Variants in CHD6 observed in about 807,000 individuals in gnomAD.
The protein encoded by CHD6 is chromodomain helicase DNA binding protein 6.
A neutral mutation model predicts 276.9 loss-of-function variants in CHD6; 50 were observed. That is an observed-to-expected ratio of 0.18 (90% CI 0.14 to 0.23). The LOEUF (loss-of-function observed/expected upper bound fraction) is 0.23, where lower values mean the gene tolerates loss of function less well. CHD6 is among the 10% of genes least tolerant of loss of function. The pLI, the probability that CHD6 is intolerant of heterozygous loss-of-function variation, is 1.00. For synonymous variants in CHD6, 1,173 were observed against 1,229.3 expected (o/e 0.95, Z 0.96); for missense variants, 2,564 against 3,365.8 (o/e 0.76, Z 5.89).
intron 1 of CHD6, among the ~76,000 whole-genome samples, chr20:41,554,600 G>A (rs1448317460): frequency 6.6e-6 from 1 of 151,208 alleles, no homozygotes; most frequent in East Asian, 1.9e-4. Context: ...CTCTTAACGA[G>A]CATGCTGCCT....
chr20:41,421,859 C>T lies in CHD6; in HGVS notation c.4776G>A (p.Gly1592=). ...TGATGTAACAGTCAGTGCGGTTCAG[C>T]CCATGTTTGGCAGTGCCGATGAGCA... ...RDLLIGTAKH[G]LNRTDCYIMN... is the part of the protein sequence containing the mutation. Residue 1592 remains glycine, a synonymous_variant, in exon 31 of 37, where the codon GGG becomes GGA. Transcript: ENST00000373233. The T allele has an allele frequency of 6.2e-7, 1 of 1,614,152 alleles. No homozygotes were observed. Among genetic ancestry groups the T allele is most frequent in the African/African-American group, 1.3e-5 (1 of 75,050 alleles).
chr20:41,454,393 A>G lies in CHD6; in HGVS notation c.3120+233T>C, dbSNP rs1214355200. Among the ~76,000 whole-genome samples the G allele has an allele frequency of 2.0e-5, 3 of 152,240 alleles. No homozygotes were observed. The East Asian group carries it at 5.8e-4, about 29-fold the overall frequency. ...GACCTGTGTATCCAGTTCCAGTTCT[A>G]ATTGCCTTCATCTAATTTCCCAGGT... On this transcript the variant is annotated intron_variant, in intron 20 of 36. Transcript: ENST00000373233.
rs1555810937 is a variant in CHD6 at position 41,591,383 on chromosome 20, C to CACACAG, written c.-24+26956_-24+26957insCTGTGT. ...AATTTTACATATATATATATATACA[C>CACACAG]ACACACACACACACACACACACACA... On this transcript the variant is annotated intron_variant, in intron 1 of 36. Coordinates refer to ENST00000373233, the MANE Select transcript of CHD6 (RefSeq NM_032221.5). Among the ~76,000 whole-genome samples the CACACAG allele has an allele frequency of 2.9e-3, 216 of 75,172 alleles. 1 individual carries two copies. The Middle Eastern group carries it at 0.038, about 13-fold the overall frequency. 49.3% of individuals were successfully genotyped at this position (75,172 alleles called of 152,430 possible).
At chr20:41,427,915 A>G (rs187032410) in intron 27 of CHD6, among the ~76,000 whole-genome samples, 59 of 152,362 alleles carry the variant, frequency 3.9e-4, no homozygotes, top group East Asian at 1.5e-3. Flanking sequence ...GCTGAAATGT[A>G]TAAGTGTAGT....
At chr20:41,449,441 T>C (rs1427315212) in intron 23 of CHD6, among the ~76,000 whole-genome samples, 5 of 152,204 alleles carry the variant, frequency 3.3e-5, no homozygotes, top group African/African-American at 1.2e-4. Context: ...AACAAATGTG[T>C]TGACGTCTAA....
At chr20:41,499,507 A>G in intron 5 of CHD6, 150 bp from the exon 6 acceptor site, 1 of 597,226 alleles carries the variant, frequency 1.7e-6, no homozygotes, top group Non-Finnish European at 2.9e-6. Flanking sequence ...AGTGGTCAAA[A>G]GGTCACAAGC....
Position 41,413,352 on chromosome 20 carries a change from T to G in CHD6, c.7103A>C (p.Tyr2368Ser). The change falls in exon 35 of 37, where the codon TAC becomes TCC. Residue 2368 changes from tyrosine to serine, a missense_variant. Around this residue, in one of 7 missense-constraint regions of CHD6, gnomAD observed 1,024 missense variants for 1,047.9 expected, o/e 0.98. Transcript: ENST00000373233. ...CCCAAAGCCAGGAACTTCTAAGGAG[T>G]AGTCAGCCTGCTGCCTTAGCCAGTC... ...LLDWLRQQADYSLEVPGFGAN... is the reference protein window; with the variant it reads ...LLDWLRQQADSSLEVPGFGAN... 1 of 1,609,984 alleles carries G rather than the reference T, an allele frequency of 6.2e-7. No homozygotes were observed. The highest frequency in any genetic ancestry group is 8.5e-7 in the Non-Finnish European group (1 of 1,178,986).
Position 41,508,691 on chromosome 20 carries a change from C to A in CHD6, c.852+4155G>T, listed in dbSNP as rs78159208. Among the ~76,000 whole-genome samples, 297 of 152,126 alleles carry A rather than the reference C, an allele frequency of 2.0e-3. 4 individuals are homozygous for A. In the East Asian group the frequency reaches 0.051, roughly 26 times the overall value. ...ACAGAAGCCTTATGATGAACGGCCC[C>A]AACAGACACTTCTGCACCGAGTCTC... On this transcript the variant is annotated intron_variant, in intron 5 of 36. Transcript: ENST00000373233.
chr20:41,404,521 G>T lies in CHD6; in HGVS notation c.*72C>A. ...AAACACAGGTTCTTATGGAGGTGAA[G>T]TGAGGGAAGTAACAAACCTTTATGG... On this transcript the variant is annotated 3_prime_UTR_variant, in exon 37 of 37. Transcript: ENST00000373233. 6.9e-7 allele frequency: 1 copy of T among 1,441,928 alleles called. No individual in the cohort carries two copies. Among genetic ancestry groups the T allele is most frequent in the Non-Finnish European group, 9.1e-7 (1 of 1,095,276 alleles). 89.3% of individuals were successfully genotyped at this position (1,441,928 alleles called of 1,614,324 possible). A position where few individuals can be genotyped will look rare whatever the true frequency, so the allele number is the denominator to read the frequency against.
chr20:41,494,070 C>G, intron 8 of CHD6, 126 bp from the exon 9 acceptor site: 1 of 648,150 alleles, frequency 1.5e-6, no homozygotes, highest in Non-Finnish European at 2.7e-6. Context: ...AAAGGGTTTG[C>G]TTAAGAATAA....
At chr20:41,540,583 A>C (rs538109186) in intron 2 of CHD6, among the ~76,000 whole-genome samples, 8 of 152,326 alleles carry the variant, frequency 5.3e-5, no homozygotes, top group African/African-American at 1.9e-4. Flanking sequence ...ATTACATTTG[A>C]CTGAGGTGCA....
intron 25 of CHD6, among the ~76,000 whole-genome samples, chr20:41,443,813 C>G (rs974401661): frequency 6.6e-6 from 1 of 152,236 alleles, no homozygotes; most frequent in African/African-American, 2.4e-5. Context: ...TTCTGGTTCA[C>G]TGTCATATTG....
intron 27 of CHD6, among the ~76,000 whole-genome samples, chr20:41,433,176 A>G (rs953810869): frequency 2.0e-5 from 3 of 152,198 alleles, no homozygotes; most frequent in African/African-American, 7.2e-5. Context: ...GCGAGGAGAA[A>G]GAGGACAGGG....
At chr20:41,528,669 A>G (rs1217892557) in intron 3 of CHD6, among the ~76,000 whole-genome samples, 1 of 152,204 alleles carries the variant, frequency 6.6e-6, no homozygotes. Flanking sequence ...AAAAATAATA[A>G]TAATAATTTG....
intron 1 of CHD6, among the ~76,000 whole-genome samples, chr20:41,605,638 G>A (rs1405018857): frequency 2.0e-5 from 3 of 152,248 alleles, no homozygotes; most frequent in Admixed American, 2.0e-4. Context: ...AAGGGTTAAT[G>A]GCAAATTTAC....
chr20:41,587,566 A>G (rs1464545167), intron 1 of CHD6, among the ~76,000 whole-genome samples: 1 of 152,222 alleles, frequency 6.6e-6, no homozygotes, highest in Admixed American at 6.5e-5. Flanking sequence ...GAAACAAAAA[A>G]ATGGTATGCA....
At position 41,473,593 on chromosome 20, in the gene CHD6, C is replaced by T. The variant is rs2043105720; in HGVS notation, c.2469-76G>A. ...GGAGAACAGCACAAAATGCAGGAAG[C>T]TGTCGACTGATGGCCTTAAATCCCT... is the stretch of plus-strand genomic sequence containing the variant. On this transcript the variant is annotated intron_variant, in intron 16 of 36. Transcript: ENST00000373233. This position sits in a 1 kb window ranked among gnomAD's most constrained non-coding sequence, Gnocchi z 4.1. 8.9e-6 allele frequency: 11 copies of T among 1,240,210 alleles called. No individual in the cohort carries two copies. The highest frequency in any genetic ancestry group is 1.3e-5 in the Non-Finnish European group (11 of 861,508). 76.8% of individuals were successfully genotyped at this position (1,240,210 alleles called of 1,614,324 possible).
intron 11 of CHD6, 135 bp from the exon 12 acceptor site, chr20:41,490,156 CTGAGG>C (rs1256322284): frequency 1.3e-6 from 1 of 782,178 alleles, no homozygotes; most frequent in East Asian, 2.5e-5. Flanking sequence ...ACATATTAAA[CTGAGG>C]TTAGTTATTA....
rs1290259247 is a variant in CHD6 at position 41,473,728 on chromosome 20, C to T, written c.2469-211G>A. The stretch of plus-strand genomic sequence containing the variant: ...ATTGCAAAATGCCCCCCTCTCAAAA[C>T]AGAACAAAACAAAAAAACAAAACAA... On this transcript the variant is annotated intron_variant, in intron 16 of 36. Transcript: ENST00000373233. This position sits in a 1 kb window ranked among gnomAD's most constrained non-coding sequence, Gnocchi z 4.1. Among the ~76,000 whole-genome samples, 1 of 151,606 alleles carries T rather than the reference C, an allele frequency of 6.6e-6. No homozygotes were observed. Among genetic ancestry groups the T allele is most frequent in the Non-Finnish European group, 1.5e-5 (1 of 67,904 alleles).
Sources: allele counts gnomAD v4.1 joint callset (sites outside exome capture counted in the v4.1 genomes callset), GRCh38; gene constraint gnomAD v4.1.1; regional missense constraint gnomAD v4.1.1; non-coding constraint Gnocchi (gnomAD v3.1); transcripts MANE v1.5; gene names NCBI Gene and HGNC (gene_info 2026-07-23, HGNC 2026-07-21).